Variants in GRIK4 observed in about 807,000 individuals in gnomAD.
The protein encoded by GRIK4 is glutamate receptor ionotropic, kainate 4.
Under a neutral mutation model 104.9 loss-of-function variants are expected in GRIK4, and 40 were observed. The ratio of observed to expected loss-of-function variants is 0.38; its 90% CI spans 0.30 to 0.50. The LOEUF (loss-of-function observed/expected upper bound fraction) is 0.50, where lower values mean the gene tolerates loss of function less well. Ranked by LOEUF, GRIK4 falls within the 20% of genes least tolerant of loss-of-function variation. GRIK4 has a pLI of 0.93. For synonymous variants in GRIK4, 485 were observed against 524.9 expected (o/e 0.92, Z 1.04); for missense variants, 1,047 against 1,308.1 (o/e 0.80, Z 3.08).
intron 7 of GRIK4, among the ~76,000 whole-genome samples, chr11:120,834,128 CT>C (rs1953508751): frequency 6.6e-6 from 1 of 152,212 alleles, no homozygotes; most frequent in African/African-American, 2.4e-5. Context: ...GGTACGCATG[CT>C]TTTAAGGATT....
At chr11:120,623,087 A>G (rs910648515) in intron 1 of GRIK4, among the ~76,000 whole-genome samples, 1 of 152,000 alleles carries the variant, frequency 6.6e-6, no homozygotes, top group Non-Finnish European at 1.5e-5. Flanking sequence ...TTGCATCTCA[A>G]ATTGTCCCAT....
At chr11:120,776,603 T>C (rs1361451911) in intron 3 of GRIK4, among the ~76,000 whole-genome samples, 1 of 152,186 alleles carries the variant, frequency 6.6e-6, no homozygotes, top group East Asian at 1.9e-4. Flanking sequence ...GAACGATTTG[T>C]TGTCTCACAC....
intron 3 of GRIK4, among the ~76,000 whole-genome samples, chr11:120,743,509 C>A (rs1951377191): frequency 6.6e-6 from 1 of 152,122 alleles, no homozygotes; most frequent in Non-Finnish European, 1.5e-5. Context: ...GTAATCTGCA[C>A]AACAAATCCC....
rs142708674 is a variant in GRIK4 at position 120,985,360 on chromosome 11, C to T, written c.2515-544C>T. On this transcript the variant is annotated intron_variant, in intron 20 of 20. Coordinates refer to ENST00000527524, the MANE Select transcript of GRIK4 (RefSeq NM_014619.5). ...ACTCTACTGTTTGTGCTTTGTATTACCCTCCTCTTGTTTTGGTTATCATGA... is the reference window on the plus strand; with the variant it reads ...ACTCTACTGTTTGTGCTTTGTATTATCCTCCTCTTGTTTTGGTTATCATGA... Among the ~76,000 whole-genome samples the T allele has an allele frequency of 1.3e-3, 196 of 152,230 alleles. No individual in the cohort carries two copies. The East Asian group carries it at 0.017, about 14-fold the overall frequency.
chr11:120,671,312 CCCA>C (rs1950013463), intron 3 of GRIK4, among the ~76,000 whole-genome samples: 1 of 152,226 alleles, frequency 6.6e-6, no homozygotes, highest in Non-Finnish European at 1.5e-5. Flanking sequence ...AATTTACACT[CCCA>C]CCAACAGTGT....
chr11:120,908,498 G>A (rs1401238825), intron 13 of GRIK4, among the ~76,000 whole-genome samples: 1 of 152,022 alleles, frequency 6.6e-6, no homozygotes, highest in Admixed American at 6.5e-5. Context: ...AAGTATGAGA[G>A]CTGTCTTAGG....
intron 1 of GRIK4, among the ~76,000 whole-genome samples, chr11:120,621,435 A>ATCAT (rs1949188104): frequency 6.6e-6 from 1 of 152,246 alleles, no homozygotes; most frequent in East Asian, 1.9e-4. Context: ...TCGTTGTAAC[A>ATCAT]GAAACCCCCT....
chr11:120,831,993 A>C lies in GRIK4; in HGVS notation c.653A>C (p.His218Pro). 1 of 1,613,386 alleles carries C rather than the reference A, an allele frequency of 6.2e-7. No individual in the cohort carries two copies. Among genetic ancestry groups the C allele is most frequent in the South Asian group, 1.1e-5 (1 of 90,994 alleles). ...GACAAGACCGCCACCATCATCATCC[A>C]CGCCAACGCCTCCATGTCCCACACC... ...RDDKTATIII[H>P]ANASMSHTIL... The change falls in exon 7 of 21, where the codon CAC becomes CCC. Residue 218 changes from histidine (H) to proline (P), a missense_variant. Coordinates refer to ENST00000527524, the MANE Select transcript of GRIK4 (RefSeq NM_014619.5).
intron 3 of GRIK4, among the ~76,000 whole-genome samples, chr11:120,755,088 A>G (rs1227560573): frequency 6.6e-6 from 1 of 152,200 alleles, no homozygotes; most frequent in East Asian, 1.9e-4. Context: ...GTAATTTGGA[A>G]TGGGTCAGGG....
At chr11:120,844,987 G>A (rs1953815838) in intron 8 of GRIK4, among the ~76,000 whole-genome samples, 1 of 152,176 alleles carries the variant, frequency 6.6e-6, no homozygotes, top group Admixed American at 6.5e-5. Flanking sequence ...GCCACACCAT[G>A]CCTGCCTTGG....
At chr11:120,760,485 T>C (rs1162481566) in intron 3 of GRIK4, among the ~76,000 whole-genome samples, 2 of 151,522 alleles carry the variant, frequency 1.3e-5, no homozygotes, top group Non-Finnish European at 2.9e-5. Flanking sequence ...CTGGGATACA[T>C]GTGCAGAACG....
intron 1 of GRIK4, among the ~76,000 whole-genome samples, chr11:120,621,023 A>G (rs1245098386): frequency 6.6e-6 from 1 of 152,164 alleles, no homozygotes; most frequent in Non-Finnish European, 1.5e-5. Flanking sequence ...TCCAAAACCT[A>G]TATCCTCAGC....
chr11:120,684,316 C>T (rs1358801563), intron 3 of GRIK4, among the ~76,000 whole-genome samples: 47 of 152,062 alleles, frequency 3.1e-4, no homozygotes, highest in Non-Finnish European at 1.5e-5. Context: ...GAGCAAGAGC[C>T]AGTTTCTAAG....
chr11:120,676,200 A>G (rs1014272725), intron 3 of GRIK4, among the ~76,000 whole-genome samples: 1 of 152,094 alleles, frequency 6.6e-6, no homozygotes, highest in African/African-American at 2.4e-5. Context: ...GGGTTGAGTC[A>G]TTCTCGCCTC....
chr11:120,837,485 C>A (rs1405191348), intron 8 of GRIK4, among the ~76,000 whole-genome samples: 1 of 152,140 alleles, frequency 6.6e-6, no homozygotes, highest in East Asian at 1.9e-4. Context: ...ATACCTGCCC[C>A]ATTGTTGGGC....
intron 3 of GRIK4, among the ~76,000 whole-genome samples, chr11:120,762,867 G>A (rs1266713712): frequency 2.6e-5 from 4 of 152,118 alleles, no homozygotes; most frequent in East Asian, 1.9e-4. Flanking sequence ...TTTTTGAATC[G>A]ATGTTCATCA....
chr11:120,833,207 A>G (rs11218019), intron 7 of GRIK4, among the ~76,000 whole-genome samples: 3 of 151,802 alleles, frequency 2.0e-5, no homozygotes, highest in African/African-American at 7.3e-5. Flanking sequence ...AATCTTCCAG[A>G]GCTCCAAAGC....
At chr11:120,603,478 C>T (rs755448763) in intron 1 of GRIK4, among the ~76,000 whole-genome samples, 1 of 152,210 alleles carries the variant, frequency 6.6e-6, no homozygotes, top group South Asian at 2.1e-4. Context: ...TTTACCTGCA[C>T]AGTACTGCCT....
chr11:120,759,064 C>T (rs1046978180), intron 3 of GRIK4, among the ~76,000 whole-genome samples: 10 of 152,130 alleles, frequency 6.6e-5, no homozygotes, highest in Admixed American at 5.2e-4. Context: ...GTGCATAGCA[C>T]AGGGATATTA....
Sources: gnomAD v4.1 joint callset for allele counts (sites outside exome capture counted in the v4.1 genomes callset) on GRCh38, gnomAD v4.1.1 for gene constraint, MANE v1.5 for transcripts, NCBI Gene and HGNC (gene_info 2026-07-23, HGNC 2026-07-21) for gene names.